Variants in TAB3 observed in about 807,000 individuals in gnomAD.
TAB3 encodes TGF-beta-activated kinase 1 and MAP3K7-binding protein 3.
Under a neutral mutation model 48.1 loss-of-function variants are expected in TAB3, and 18 were observed. The observed-to-expected ratio is 0.37, with a 90% CI of 0.26 to 0.55. The LOEUF (loss-of-function observed/expected upper bound fraction) is 0.55. TAB3 is among the 20% of genes least tolerant of loss of function. TAB3 has a pLI of 0.78. For missense variants in TAB3, 414 were observed against 549.8 expected, an observed-to-expected ratio of 0.75 and a Z score of 2.47; for synonymous variants, 185 against 190.2, an observed-to-expected ratio of 0.97 and a Z score of 0.22.
chrX:30,831,811 G>C (rs776500914), intron 10 of TAB3, among the ~76,000 whole-genome samples: 1 of 111,980 alleles, frequency 8.9e-6, no homozygotes, highest in Admixed American at 9.5e-5. Context: ...TATATGTCCA[G>C]AATAGATTGC....
chrX:30,859,529 G>A lies in TAB3; in HGVS notation c.60C>T (p.Phe20=). The A allele has an allele frequency of 8.3e-7, 1 of 1,210,555 alleles. No homozygotes were observed. The highest frequency in any genetic ancestry group is 1.1e-6 in the Non-Finnish European group (1 of 895,026). ...IQVLHDLRQR[F]PEIPEGVVSQ... ...ACACCACGCCCTCTGGAATTTCAGG[G>A]AAACGTTGTCGAAGATCATGGAGAA... Residue 20 remains phenylalanine, a synonymous_variant, in exon 5 of 11, where the codon TTC becomes TTT. Transcript: ENST00000288422.
chrX:30,830,911 T>TTCCC lies in TAB3; in HGVS notation c.*515_*516insGGGA, dbSNP rs1186906607. ...CAATTACAAATACCCTTAATTAATT[T>TTCCC]GCCCCCCCCCCCCAAATATTCTAGG... is the stretch of plus-strand genomic sequence containing the variant. On this transcript the variant is annotated 3_prime_UTR_variant, in exon 11 of 11. Transcript: ENST00000288422. 6.0e-4 allele frequency: 17 copies of TTCCC among 28,158 alleles called. No individual in the cohort carries two copies. Among genetic ancestry groups the TTCCC allele is most frequent in the Non-Finnish European group, 1.0e-3 (13 of 12,660 alleles). 2.3% of individuals were successfully genotyped at this position (28,158 alleles called of 1,213,427 possible). A position where few individuals can be genotyped will look rare whatever the true frequency, so the allele number is the denominator to read the frequency against.
chrX:30,842,073 G>A (rs1187478681), intron 9 of TAB3, among the ~76,000 whole-genome samples: 1 of 112,624 alleles, frequency 8.9e-6, no homozygotes, highest in Non-Finnish European at 1.9e-5. Context: ...TTAAATGACT[G>A]CACGTGTAAA....
chrX:30,874,922 A>G lies in TAB3; in HGVS notation c.-382-3121T>C, dbSNP rs180851247. On this transcript the variant is annotated intron_variant, in intron 1 of 10. Transcript: ENST00000288422. ...GAAAAATTGAGACATGTCTAAAAAG[A>G]GAGAAAGGGACTGTATGTGTAGGGA... is the stretch of plus-strand genomic sequence containing the variant. Among the ~76,000 whole-genome samples, 265 of 112,290 alleles carry G rather than the reference A, an allele frequency of 2.4e-3. 1 individual carries two copies. Among genetic ancestry groups the G allele is most frequent in the African/African-American group, 8.5e-3 (261 of 30,883 alleles).
chrX:30,850,771 T>C (rs1722644070), intron 7 of TAB3, among the ~76,000 whole-genome samples: 2 of 100,251 alleles, frequency 2.0e-5, no homozygotes, highest in South Asian at 8.4e-4. Flanking sequence ...TGATATAAAA[T>C]CTGGGGCTTT....
At chrX:30,876,856 G>A (rs1178594101) in intron 1 of TAB3, among the ~76,000 whole-genome samples, 3 of 111,665 alleles carry the variant, frequency 2.7e-5, no homozygotes, top group Non-Finnish European at 5.6e-5. Flanking sequence ...AGATAGGTCG[G>A]GGGAAAATAA....
Position 30,854,251 on chromosome X carries a change from C to T in TAB3, c.1414G>A (p.Asp472Asn). ...GGTGCTGCAGAGCGCTCTTCTTGGT[C>T]CACTAAATTTAAAAGATTTTCAGTC... ...ATTENLLNLV[D>N]QEERSAAPEP... The change falls in exon 6 of 11, where the codon GAC (aspartate) becomes AAC (asparagine). Residue 472 changes from aspartate (D) to asparagine (N), a missense_variant. Asp to Asn is a conservative substitution (Grantham distance 23). Coordinates refer to ENST00000288422, the MANE Select transcript of TAB3 (RefSeq NM_152787.5). The T allele has an allele frequency of 8.3e-7, 1 of 1,211,409 alleles. No homozygotes were observed. The highest frequency in any genetic ancestry group is 3.0e-5 in the East Asian group (1 of 33,827).
intron 1 of TAB3, among the ~76,000 whole-genome samples, chrX:30,877,923 C>T (rs1418040014): frequency 3.6e-5 from 4 of 111,934 alleles, no homozygotes; most frequent in African/African-American, 1.3e-4. Flanking sequence ...AGGATAAACA[C>T]ATATCATGCA....
chrX:30,870,657 T>A (rs1048808269), intron 2 of TAB3, among the ~76,000 whole-genome samples: 1 of 112,550 alleles, frequency 8.9e-6, no homozygotes, highest in Admixed American at 9.4e-5. Flanking sequence ...TGGAAGAAAC[T>A]CCACATCATC....
chrX:30,868,388 TA>T lies in TAB3; in HGVS notation c.-279-840del, dbSNP rs1222361658. Among the ~76,000 whole-genome samples, 23 of 7,285 alleles carry T rather than the reference TA, an allele frequency of 3.2e-3. 5 individuals are homozygous for T. Among genetic ancestry groups the T allele is most frequent in the African/African-American group, 0.013 (19 of 1,433 alleles). 6.3% of individuals were successfully genotyped at this position (7,285 alleles called of 115,157 possible). On this transcript the variant is annotated intron_variant, in intron 2 of 10. Coordinates refer to ENST00000288422, the MANE Select transcript of TAB3 (RefSeq NM_152787.5). ...ATATATAGCTTATATATATATAGCTTATATATATATATATAGCTTATATATA... is the reference window on the plus strand; with the variant it reads ...ATATATAGCTTATATATATATAGCTTTATATATATATATAGCTTATATATA...
intron 1 of TAB3, among the ~76,000 whole-genome samples, chrX:30,874,704 C>A (rs1328371860): frequency 3.6e-5 from 4 of 111,709 alleles, no homozygotes; most frequent in Non-Finnish European, 7.5e-5. Context: ...AGTATAGGAG[C>A]ATTGACTCTA....
intron 1 of TAB3, among the ~76,000 whole-genome samples, chrX:30,874,051 G>A (rs1306930306): frequency 9.0e-6 from 1 of 111,331 alleles, no homozygotes; most frequent in Non-Finnish European, 1.9e-5. Flanking sequence ...GCATGCTCAT[G>A]GTCCCAGCTA....
chrX:30,850,209 G>A (rs146038809), intron 7 of TAB3, among the ~76,000 whole-genome samples: 19 of 111,617 alleles, frequency 1.7e-4, no homozygotes, highest in African/African-American at 5.9e-4. Flanking sequence ...TTTACACTAG[G>A]CTTGGCAATG....
At chrX:30,834,208 G>C in intron 9 of TAB3, 56 bp from the exon 10 acceptor site, 18 of 1,053,701 alleles carry the variant, frequency 1.7e-5, no homozygotes, top group Non-Finnish European at 2.4e-5. Context: ...AACTGCAAGA[G>C]TGAACAGGCT....
chrX:30,861,219 C>T (rs189426746), intron 4 of TAB3, among the ~76,000 whole-genome samples: 1 of 112,243 alleles, frequency 8.9e-6, no homozygotes, highest in East Asian at 2.8e-4. Flanking sequence ...CAGAGCCCAA[C>T]TACTCAAGTA....
intron 8 of TAB3, chrX:30,845,546 T>C (rs1942394964): frequency 4.4e-5 from 5 of 113,053 alleles, no homozygotes; most frequent in African/African-American, 6.5e-5. Context: ...CCATAGGCAA[T>C]ATGTAAACAA....
intron 2 of TAB3, among the ~76,000 whole-genome samples, chrX:30,871,462 T>C (rs112450160): frequency 7.2e-5 from 8 of 111,818 alleles, no homozygotes; most frequent in African/African-American, 2.3e-4. Flanking sequence ...AGCAAATGAA[T>C]TGTCCAAAGA....
At chrX:30,877,218 CA>C (rs1191533443) in intron 1 of TAB3, among the ~76,000 whole-genome samples, 2 of 111,869 alleles carry the variant, frequency 1.8e-5, no homozygotes, top group African/African-American at 6.5e-5. Context: ...AAACAACTGC[CA>C]ACCTAGTATT....
chrX:30,847,318 A>T (rs778719168), intron 7 of TAB3, among the ~76,000 whole-genome samples: 34 of 109,628 alleles, frequency 3.1e-4, no homozygotes, highest in Middle Eastern at 9.4e-3. Flanking sequence ...AATGAATTCC[A>T]TTTGTTCCCC....
Sources: allele counts gnomAD v4.1 joint callset (sites outside exome capture counted in the v4.1 genomes callset), GRCh38; gene constraint gnomAD v4.1.1; transcripts MANE v1.5; gene names NCBI Gene and HGNC (gene_info 2026-07-23, HGNC 2026-07-21).